Variants in KLC1 observed in about 807,000 individuals in gnomAD.
The protein encoded by KLC1 is kinesin 2 60/70kDa.
KLC1 carries 30 observed loss-of-function variants against 84.2 expected under a neutral mutation model. The observed-to-expected ratio is 0.36, with a 90% CI of 0.27 to 0.48. KLC1 has a LOEUF of 0.48. Among genes scored for constraint, KLC1 ranks in the 20% least tolerant of loss-of-function variants. KLC1 has a pLI of 0.99. For synonymous variants in KLC1, 289 were observed against 293.3 expected, an observed-to-expected ratio of 0.99 and a Z score of 0.15; for missense variants, 499 against 805.4, an observed-to-expected ratio of 0.62 and a Z score of 4.60.
intron 5 of KLC1, among the ~76,000 whole-genome samples, chr14:103,666,930 G>T (rs923072888): frequency 1.4e-4 from 21 of 149,434 alleles, no homozygotes; most frequent in African/African-American, 5.2e-4. Flanking sequence ...GTGCCCGCCA[G>T]CATGCCCAGC....
At chr14:103,689,171 T>C (rs985042376) in intron 14 of KLC1, among the ~76,000 whole-genome samples, 6 of 152,204 alleles carry the variant, frequency 3.9e-5, no homozygotes, top group African/African-American at 1.4e-4. Flanking sequence ...ATTTAATTCC[T>C]GGAGGGGATC....
At chr14:103,649,454 T>C (rs72710758) in intron 1 of KLC1, among the ~76,000 whole-genome samples, 3,235 of 150,824 alleles carry the variant, frequency 0.021, 71 homozygotes, top group Middle Eastern at 0.031. Context: ...AGGGGCCTGG[T>C]GTGATAGCTC....
At chr14:103,699,300 G>T in intron 15 of KLC1, 1 of 1,547,384 alleles carries the variant, frequency 6.5e-7, no homozygotes, top group Non-Finnish European at 8.7e-7. Context: ...CTCCAGACCG[G>T]CTCTGCTTCC....
intron 15 of KLC1, chr14:103,699,250 C>G (rs991885466): frequency 6.5e-7 from 1 of 1,539,654 alleles, no homozygotes; most frequent in African/African-American, 1.4e-5. Flanking sequence ...AGGCTGCTAC[C>G]CGCAGGAGCC....
intron 6 of KLC1, 139 bp downstream of exon 6, chr14:103,669,737 T>G (rs1241556375): frequency 3.1e-6 from 2 of 635,326 alleles, no homozygotes; most frequent in Non-Finnish European, 5.6e-6. Context: ...GTAGGAGGTC[T>G]TCACTTACTC....
At chr14:103,685,666 C>T in intron 13 of KLC1, 1 of 1,289,546 alleles carries the variant, frequency 7.8e-7, no homozygotes, top group Non-Finnish European at 1.0e-6. Context: ...CTCACACTGT[C>T]TCCTGCATGA....
At chr14:103,661,531 C>T (rs1042544411) in intron 3 of KLC1, among the ~76,000 whole-genome samples, 2 of 152,182 alleles carry the variant, frequency 1.3e-5, no homozygotes, top group Admixed American at 6.5e-5. Flanking sequence ...TCATCTGCCT[C>T]ATGACAAAGC....
At chr14:103,692,063 C>G (rs1451512492) in intron 14 of KLC1, among the ~76,000 whole-genome samples, 1 of 152,214 alleles carries the variant, frequency 6.6e-6, no homozygotes, top group Non-Finnish European at 1.5e-5. Flanking sequence ...AGCCACTATA[C>G]CCAGTCTAGA....
intron 3 of KLC1, among the ~76,000 whole-genome samples, chr14:103,660,560 G>A (rs894580018): frequency 2.0e-5 from 3 of 151,648 alleles, no homozygotes; most frequent in Non-Finnish European, 4.4e-5. Flanking sequence ...AGGCTGAAGC[G>A]GGTGGATTAC....
chr14:103,692,329 T>G (rs1399987972), intron 14 of KLC1, 30 bp from the exon 15 acceptor site: 1 of 1,535,082 alleles, frequency 6.5e-7, no homozygotes, highest in Non-Finnish European at 8.7e-7. Flanking sequence ...GCTGATCGTT[T>G]GTCCTTGCAT....
At position 103,658,414 on chromosome 14, in the gene KLC1, C is replaced by T. The variant is rs961490906; in HGVS notation, c.492+638C>T. On this transcript the variant is annotated intron_variant, in intron 3 of 16. Transcript: ENST00000334553. Reference sequence around the variant, plus strand: ...TAGCTGGGATTACAGGTGTGTGACACCATGCCCAGCTAAGTTTTTTTTTTT... The same window carrying T: ...TAGCTGGGATTACAGGTGTGTGACATCATGCCCAGCTAAGTTTTTTTTTTT... Among the ~76,000 whole-genome samples, 3 of 149,550 alleles carry T rather than the reference C, an allele frequency of 2.0e-5. No individual in the cohort carries two copies. In the Admixed American group the frequency reaches 2.0e-4, roughly 10 times the overall value.
chr14:103,701,335 A>G lies in KLC1; in HGVS notation c.*136A>G, dbSNP rs2083183216. On this transcript the variant is annotated 3_prime_UTR_variant, in exon 17 of 17. Transcript: ENST00000334553. ...ACTCATTTCTCCTGCGTCTGTGTGC[A>G]TAGGACATGATACTAATAACCACAC... The G allele has an allele frequency of 1.1e-6, 1 of 909,532 alleles. No individual in the cohort carries two copies. Among genetic ancestry groups the G allele is most frequent in the Non-Finnish European group, 1.7e-6 (1 of 600,728 alleles). 56.3% of individuals were successfully genotyped at this position (909,532 alleles called of 1,614,324 possible).
At chr14:103,662,072 A>G (rs930970660) in intron 3 of KLC1, 44 bp from the exon 4 acceptor site, 6 of 1,309,710 alleles carry the variant, frequency 4.6e-6, no homozygotes, top group Non-Finnish European at 6.6e-6. Context: ...CAGGATGTGT[A>G]TAGCACGTGT....
chr14:103,646,607 A>G (rs1206977335), intron 1 of KLC1, among the ~76,000 whole-genome samples: 1 of 152,124 alleles, frequency 6.6e-6, no homozygotes. Flanking sequence ...AACTGCAGAC[A>G]TGCATCTTTA....
At chr14:103,679,234 AC>A in intron 12 of KLC1, 149 bp from the exon 13 acceptor site, 2 of 988,166 alleles carry the variant, frequency 2.0e-6, no homozygotes, top group East Asian at 4.9e-5. Flanking sequence ...CTCCACCCTC[AC>A]CCCCTCCAAG....
intron 2 of KLC1, among the ~76,000 whole-genome samples, chr14:103,655,265 T>C (rs2078746301): frequency 6.6e-6 from 1 of 152,066 alleles, no homozygotes; most frequent in Non-Finnish European, 1.5e-5. Flanking sequence ...GTGTTCTGTA[T>C]GTTAATAAAT....
At chr14:103,644,423 TA>T (rs1261030658) in intron 1 of KLC1, among the ~76,000 whole-genome samples, 1 of 151,918 alleles carries the variant, frequency 6.6e-6, no homozygotes, top group Non-Finnish European at 1.5e-5. Flanking sequence ...CACACCCGGC[TA>T]ATTTTTTTGT....
chr14:103,680,803 T>C (rs1205359800), intron 13 of KLC1, among the ~76,000 whole-genome samples: 1 of 152,244 alleles, frequency 6.6e-6, no homozygotes, highest in Non-Finnish European at 1.5e-5. Flanking sequence ...GTCCTTTATC[T>C]AGGCTGTAGG....
At chr14:103,633,101 A>T (rs546482468) in intron 1 of KLC1, among the ~76,000 whole-genome samples, 4 of 151,124 alleles carry the variant, frequency 2.6e-5, no homozygotes, top group African/African-American at 7.3e-5. Flanking sequence ...TCTGTCACCC[A>T]GGCTGGAACG....
Sources: allele counts gnomAD v4.1 joint callset (sites outside exome capture counted in the v4.1 genomes callset), GRCh38; gene constraint gnomAD v4.1.1; transcripts MANE v1.5; gene names NCBI Gene and HGNC (gene_info 2026-07-23, HGNC 2026-07-21).